The following ZNF451 variants were observed in gnomAD, a reference collection of about 807,000 sequenced individuals.
ZNF451 encodes the protein E3 SUMO-protein ligase ZNF451.
Under a neutral mutation model 107.1 loss-of-function variants are expected in ZNF451, and 80 were observed. The ratio of observed to expected loss-of-function variants is 0.75; its 90% confidence interval spans 0.62 to 0.90. ZNF451 has a LOEUF of 0.90. Among genes scored for constraint, ZNF451 ranks in the 40% least tolerant of loss-of-function variants. The pLI, the probability that ZNF451 is intolerant of heterozygous loss-of-function variation, is 0.00. For missense variants in ZNF451, 1,107 were observed against 1,236.2 expected (o/e 0.90, Z 1.57); for synonymous variants, 362 against 406.5 (o/e 0.89, Z 1.32).
At chr6:57,091,640 T>A (rs193177737) in intron 2 of ZNF451, among the ~76,000 whole-genome samples, 15 of 152,302 alleles carry the variant, frequency 9.8e-5, no homozygotes, top group South Asian at 2.1e-4. Flanking sequence ...GGTGATTTTC[T>A]TCCATAATTA....
chr6:57,126,395 A>AAAC (rs71549745), intron 4 of ZNF451: 3 of 152,196 alleles, frequency 2.0e-5, no homozygotes, highest in African/African-American at 2.4e-5. Flanking sequence ...GTAGATGACA[A>AAAC]AACAACAACA....
intron 13 of ZNF451, among the ~76,000 whole-genome samples, chr6:57,158,151 T>TC (rs901774524): frequency 1.3e-5 from 2 of 152,224 alleles, no homozygotes; most frequent in African/African-American, 4.8e-5. Flanking sequence ...TTCATTAGTA[T>TC]CAACGACTGT....
At chr6:57,136,659 G>C (rs959127143) in intron 7 of ZNF451, among the ~76,000 whole-genome samples, 4 of 152,126 alleles carry the variant, frequency 2.6e-5, no homozygotes, top group Non-Finnish European at 5.9e-5. Flanking sequence ...GCATTTTCCA[G>C]AATTAGAGTT....
At chr6:57,150,227 TTA>T (rs1266013502) in intron 10 of ZNF451, among the ~76,000 whole-genome samples, 17 of 152,302 alleles carry the variant, frequency 1.1e-4, no homozygotes, top group South Asian at 2.1e-4. Flanking sequence ...CTAGGTTATC[TTA>T]TTTCTGCTCT....
intron 3 of ZNF451, among the ~76,000 whole-genome samples, chr6:57,117,154 A>G (rs1830413336): frequency 6.6e-6 from 1 of 152,126 alleles, no homozygotes; most frequent in Admixed American, 6.5e-5. Flanking sequence ...CCTTTATCTG[A>G]AATGCTTGGA....
At chr6:57,103,268 A>C (rs576038074) in intron 3 of ZNF451, 73 of 985,476 alleles carry the variant, frequency 7.4e-5, no homozygotes, top group Non-Finnish European at 8.2e-5. Flanking sequence ...TGTGGTGAAG[A>C]GAACAAGCCA....
intron 13 of ZNF451, chr6:57,158,923 ACATATAGAG>A (rs1405529991): frequency 3.0e-6 from 3 of 985,378 alleles, no homozygotes; most frequent in East Asian, 2.3e-4. Flanking sequence ...AATCCATCTT[ACATATAGAG>A]CATAAACATT....
At chr6:57,099,018 G>T in intron 2 of ZNF451, 43 bp from the exon 3 acceptor site, 2 of 1,530,866 alleles carry the variant, frequency 1.3e-6, no homozygotes, top group South Asian at 1.1e-5. Flanking sequence ...AATTTGGTTT[G>T]AATAACTGTT....
At chr6:57,108,313 G>A in intron 3 of ZNF451, 2 of 985,350 alleles carry the variant, frequency 2.0e-6, no homozygotes, top group South Asian at 4.7e-5. Flanking sequence ...AGCATTTACT[G>A]TTAAGGGCTA....
At chr6:57,106,089 C>T (rs1274044354) in intron 3 of ZNF451, 1 of 985,046 alleles carries the variant, frequency 1.0e-6, no homozygotes, top group African/African-American at 1.8e-5. Flanking sequence ...TCCTTAAGGA[C>T]CTGATACATC....
chr6:57,137,324 A>G (rs1336587557), intron 7 of ZNF451, among the ~76,000 whole-genome samples: 1 of 152,182 alleles, frequency 6.6e-6, no homozygotes, highest in Non-Finnish European at 1.5e-5. Flanking sequence ...CACAATTTGC[A>G]TTGTTTTCCT....
intron 3 of ZNF451, chr6:57,101,383 T>C: frequency 6.4e-7 from 1 of 1,550,704 alleles, no homozygotes; most frequent in Non-Finnish European, 8.7e-7. Flanking sequence ...TCCTTCTTCC[T>C]TCATGGGACA....
rs940071715 is a variant in ZNF451 at position 57,169,662 on chromosome 6, AT to A, written c.*1200del. On this transcript the variant is annotated 3_prime_UTR_variant, in exon 15 of 15. Coordinates refer to ENST00000370706, the MANE Select transcript of ZNF451 (RefSeq NM_001031623.3). ...ACTAAATATTTTAGTGTGAAATTGA[AT>A]TTTTTTATTACTATAGTCTTTTCAA... 1.3e-5 allele frequency: 2 copies of A among 152,064 alleles called. No homozygotes were observed. The highest frequency in any genetic ancestry group is 4.8e-5 in the African/African-American group (2 of 41,410). The allele number at this position is 152,064 out of a possible 1,614,324, so 9.4% of individuals were successfully genotyped here.
intron 11 of ZNF451, 49 bp from the exon 12 acceptor site, chr6:57,152,172 C>T (rs1832381639): frequency 2.0e-6 from 3 of 1,535,802 alleles, no homozygotes; most frequent in Non-Finnish European, 2.6e-6. Context: ...AATTTTTGGC[C>T]TTTCCTCTCC....
intron 5 of ZNF451, among the ~76,000 whole-genome samples, chr6:57,132,182 G>A (rs1294915332): frequency 1.3e-5 from 2 of 152,168 alleles, no homozygotes; most frequent in African/African-American, 4.8e-5. Flanking sequence ...TCTGCTTTGT[G>A]TTCTATAAAT....
chr6:57,100,650 A>G (rs1829549192), intron 3 of ZNF451: 2 of 1,546,166 alleles, frequency 1.3e-6, no homozygotes, highest in Non-Finnish European at 1.7e-6. Flanking sequence ...ATCGCCCAGA[A>G]ATGTGCTCTA....
intron 7 of ZNF451, 87 bp downstream of exon 7, chr6:57,134,957 G>A: frequency 9.3e-7 from 1 of 1,077,350 alleles, no homozygotes; most frequent in South Asian, 1.6e-5. Flanking sequence ...TCTTAAGCTT[G>A]CAATTACCAG....
At chr6:57,105,005 T>A in intron 3 of ZNF451, 6 of 982,758 alleles carry the variant, frequency 6.1e-6, no homozygotes, top group Non-Finnish European at 7.3e-6. Flanking sequence ...TGTTAATTTT[T>A]TATTATTTTA....
At position 57,094,333 on chromosome 6, in the gene ZNF451, C is replaced by T. The variant is rs115828662; in HGVS notation, c.105+3439C>T. Reference sequence around the variant, plus strand: ...TAATTTTTTATTTCTATTTCAGAGACAGGGTCTCACTCTTGCCCAGGCTGG... The same window carrying T: ...TAATTTTTTATTTCTATTTCAGAGATAGGGTCTCACTCTTGCCCAGGCTGG... On this transcript the variant is annotated intron_variant, in intron 2 of 14. Coordinates refer to ENST00000370706, the MANE Select transcript of ZNF451 (RefSeq NM_001031623.3). Among the ~76,000 whole-genome samples, 1,023 of 151,920 alleles carry T rather than the reference C, an allele frequency of 6.7e-3. 3 individuals are homozygous for T. Among genetic ancestry groups the T allele is most frequent in the Non-Finnish European group, 0.01 (695 of 67,954 alleles).
Sources: allele counts gnomAD v4.1 joint callset (sites outside exome capture counted in the v4.1 genomes callset), GRCh38; gene constraint gnomAD v4.1.1; transcripts MANE v1.5; gene names NCBI Gene and HGNC (gene_info 2026-07-23, HGNC 2026-07-21).